MIB1: variants seen among roughly 807,000 people sequenced by gnomAD.
MIB1 encodes the protein MIB E3 ubiquitin protein ligase 1.
A neutral mutation model predicts 124.5 loss-of-function variants in MIB1; 278 were observed. The ratio of observed to expected loss-of-function variants is 2.23; its 90% CI spans 2.02 to 2.47. MIB1 has a LOEUF of 2.47. Among genes scored for constraint, MIB1 ranks in the 30% most tolerant of loss-of-function variants. The pLI, the probability that MIB1 is intolerant of heterozygous loss-of-function variation, is 0.00. For synonymous variants in MIB1, 446 were observed against 429.4 expected (o/e 1.04, Z -0.48); for missense variants, 957 against 1,254.4 (o/e 0.76, Z 3.58).
chr18:21,801,708 C>T (rs1204189380), intron 9 of MIB1, among the ~76,000 whole-genome samples: 1 of 151,904 alleles, frequency 6.6e-6, no homozygotes, highest in African/African-American at 2.4e-5. Flanking sequence ...TAATTTCTTC[C>T]TAAATTCCCC....
intron 12 of MIB1, among the ~76,000 whole-genome samples, chr18:21,835,818 C>A (rs968492777): frequency 0.023 from 1,055 of 44,912 alleles, 14 homozygotes; most frequent in Non-Finnish European, 0.036. Flanking sequence ...CACACACACA[C>A]ACACACACAC....
At chr18:21,768,283 T>C (rs868858080) in intron 2 of MIB1, among the ~76,000 whole-genome samples, 45 of 152,230 alleles carry the variant, frequency 3.0e-4, no homozygotes, top group African/African-American at 1.1e-3. Flanking sequence ...GGCACATTAC[T>C]TCTTTGAGAC....
At chr18:21,825,813 G>GT in intron 12 of MIB1, 1 of 490,872 alleles carries the variant, frequency 2.0e-6, no homozygotes, top group Non-Finnish European at 4.3e-6. Context: ...ATCCAAAACA[G>GT]TTAAATGCTT....
At position 21,870,474 on chromosome 18, in the gene MIB1, A is replaced by G. The variant is rs2042347467; in HGVS notation, c.*5808A>G. On this transcript the variant is annotated 3_prime_UTR_variant, in exon 21 of 21. Transcript: ENST00000261537. ...GATTAAGACATATGAAAATAGTCTG[A>G]ATAGGATAAATTTGATAGGAAGTAA... is the stretch of plus-strand genomic sequence containing the variant. The G allele has an allele frequency of 1.3e-5, 2 of 152,178 alleles. No homozygotes were observed. Among genetic ancestry groups the G allele is most frequent in the South Asian group, 4.1e-4 (2 of 4,828 alleles). The allele number at this position is 152,178 out of a possible 1,614,324, so 9.4% of individuals were successfully genotyped here.
chr18:21,724,249 T>C (rs910951071), intron 1 of MIB1: 15 of 152,250 alleles, frequency 9.9e-5, no homozygotes, highest in African/African-American at 3.4e-4. Context: ...CTATCTGTGA[T>C]AGGATACAGA....
intron 13 of MIB1, among the ~76,000 whole-genome samples, chr18:21,839,382 C>A (rs2042061737): frequency 6.6e-6 from 1 of 152,066 alleles, no homozygotes; most frequent in Non-Finnish European, 1.5e-5. Context: ...GAACTTATGC[C>A]ACTATCATGT....
At chr18:21,723,761 G>A (rs574564751) in intron 1 of MIB1, among the ~76,000 whole-genome samples, 2 of 152,188 alleles carry the variant, frequency 1.3e-5, no homozygotes, top group South Asian at 2.1e-4. Context: ...TGATCCACCC[G>A]CCTCAGCCTC....
chr18:21,706,553 C>T (rs966673261), intron 1 of MIB1, among the ~76,000 whole-genome samples: 3 of 152,140 alleles, frequency 2.0e-5, no homozygotes, highest in Admixed American at 6.5e-5. Context: ...CTGTGCCCCG[C>T]GATCACGGGC....
chr18:21,847,184 T>C (rs547000516), intron 16 of MIB1, 59 bp downstream of exon 16: 96 of 1,401,960 alleles, frequency 6.8e-5, no homozygotes, highest in Non-Finnish European at 8.8e-5. Context: ...TCATGTGGTT[T>C]CGTAATGGAG....
intron 9 of MIB1, among the ~76,000 whole-genome samples, chr18:21,801,587 T>C (rs763987599): frequency 1.3e-5 from 2 of 152,182 alleles, no homozygotes; most frequent in Admixed American, 6.5e-5. Flanking sequence ...TATTAAGATG[T>C]AGAATATTTC....
intron 20 of MIB1, among the ~76,000 whole-genome samples, chr18:21,863,523 A>G (rs1356898567): frequency 6.6e-6 from 1 of 152,136 alleles, no homozygotes; most frequent in Non-Finnish European, 1.5e-5. Flanking sequence ...AAGTCCGGCC[A>G]TCTCTTCCCT....
chr18:21,780,884 A>G (rs887336938), intron 6 of MIB1, among the ~76,000 whole-genome samples: 1 of 152,164 alleles, frequency 6.6e-6, no homozygotes, highest in Non-Finnish European at 1.5e-5. Flanking sequence ...TTCTGGGTAT[A>G]TATACACCCA....
chr18:21,789,614 C>T (rs1025497088), intron 6 of MIB1, among the ~76,000 whole-genome samples: 4 of 152,062 alleles, frequency 2.6e-5, no homozygotes, highest in Admixed American at 1.3e-4. Flanking sequence ...GTCAGGAGTT[C>T]GAGAACAGGC....
At chr18:21,752,248 CAGA>C (rs143848699) in intron 1 of MIB1, among the ~76,000 whole-genome samples, 1,689 of 152,252 alleles carry the variant, frequency 0.011, 41 homozygotes, top group African/African-American at 0.038. Flanking sequence ...CTGCCCTCAG[CAGA>C]AGATGTGACA....
intron 1 of MIB1, among the ~76,000 whole-genome samples, chr18:21,729,535 G>A (rs1463616691): frequency 6.6e-6 from 1 of 151,954 alleles, no homozygotes; most frequent in African/African-American, 2.4e-5. Context: ...TGTCACCCAG[G>A]GTGGAGTGCA....
In MIB1 at chr18:21,815,741, T is replaced by C. The variant is rs773617317; in HGVS notation, c.1605T>C (p.His535=). 2 of 1,614,138 alleles carry C rather than the reference T, an allele frequency of 1.2e-6. No individual in the cohort carries two copies. The highest frequency in any genetic ancestry group is 4.5e-5 in the East Asian group (2 of 44,878). Residue 535 remains histidine (H), a synonymous_variant, in exon 11 of 21, where the codon CAT becomes CAC. Coordinates refer to ENST00000261537, the MANE Select transcript of MIB1 (RefSeq NM_020774.4). ...ARNKRRQTPL[H]IAVNKGHLQV... ...ACAAGCGCCGACAGACACCACTTCA[T>C]ATTGCTGTCAATAAAGGTCATCTTC...
intron 3 of MIB1, among the ~76,000 whole-genome samples, chr18:21,771,046 G>A (rs1032288793): frequency 6.6e-6 from 1 of 152,114 alleles, no homozygotes; most frequent in Non-Finnish European, 1.5e-5. Context: ...ATATAAAGGG[G>A]CACATAAAGT....
intron 1 of MIB1, among the ~76,000 whole-genome samples, chr18:21,733,765 G>T (rs1038682790): frequency 6.6e-6 from 1 of 151,870 alleles, no homozygotes; most frequent in African/African-American, 2.4e-5. Context: ...GAGTGCAATG[G>T]TGCAATCTCG....
At chr18:21,833,082 G>A (rs2041999275) in intron 12 of MIB1, among the ~76,000 whole-genome samples, 2 of 152,156 alleles carry the variant, frequency 1.3e-5, no homozygotes, top group Admixed American at 6.5e-5. Context: ...ATCTGCTGAA[G>A]TCACTAGCCA....
Sources: allele counts gnomAD v4.1 joint callset (sites outside exome capture counted in the v4.1 genomes callset), GRCh38; gene constraint gnomAD v4.1.1; transcripts MANE v1.5; gene names NCBI Gene and HGNC (gene_info 2026-07-23, HGNC 2026-07-21).